Variants in RUNX1T1 observed in about 807,000 individuals in gnomAD.
RUNX1T1 encodes RUNX1 partner transcriptional co-repressor 1, also known as protein CBFA2T1.
Under a neutral mutation model 62.8 loss-of-function variants are expected in RUNX1T1, and 4 were observed. The observed-to-expected ratio is 0.06, with a 90% CI of 0.03 to 0.15. The LOEUF is 0.15. RUNX1T1 is among the 10% of genes least tolerant of loss of function. The pLI is 1.00. For synonymous variants in RUNX1T1, 291 were observed against 286.0 expected (o/e 1.02, Z -0.18); for missense variants, 508 against 754.3 (o/e 0.67, Z 3.82).
At chr8:92,077,525 G>A (rs902206194) in intron 1 of RUNX1T1, among the ~76,000 whole-genome samples, 15 of 152,182 alleles carry the variant, frequency 9.9e-5, no homozygotes, top group Admixed American at 6.5e-4. Context: ...GGCAATGTGA[G>A]TAACTTTTCT....
At chr8:91,970,212 G>A (rs1042958163) in intron 10 of RUNX1T1, among the ~76,000 whole-genome samples, 22 of 152,162 alleles carry the variant, frequency 1.4e-4, no homozygotes, top group African/African-American at 5.3e-4. Context: ...TGCAAACATT[G>A]TTTTAGCATT....
At chr8:92,077,787 G>A (rs960494754) in intron 1 of RUNX1T1, among the ~76,000 whole-genome samples, 1 of 152,024 alleles carries the variant, frequency 6.6e-6, no homozygotes, top group African/African-American at 2.4e-5. Context: ...ATCCTCTAGA[G>A]TCTAAGTCTA....
chr8:92,027,080 C>T (rs1013267357), intron 1 of RUNX1T1, among the ~76,000 whole-genome samples: 6 of 146,158 alleles, frequency 4.1e-5, no homozygotes, highest in African/African-American at 1.0e-4. Flanking sequence ...CGCGCCACTG[C>T]GCTCCAGCCT....
intron 1 of RUNX1T1, among the ~76,000 whole-genome samples, chr8:92,049,345 G>A (rs1829893725): frequency 1.3e-5 from 2 of 152,142 alleles, no homozygotes; most frequent in Admixed American, 1.3e-4. Flanking sequence ...AAAGTCAGAT[G>A]CCTTATTCTG....
chr8:92,033,075 A>C (rs534202745), intron 1 of RUNX1T1, among the ~76,000 whole-genome samples: 2 of 152,200 alleles, frequency 1.3e-5, no homozygotes, highest in Non-Finnish European at 2.9e-5. Context: ...AATACATATC[A>C]TCAATTGCCT....
intron 2 of RUNX1T1, among the ~76,000 whole-genome samples, chr8:92,075,664 T>C (rs547610862): frequency 2.0e-5 from 3 of 152,154 alleles, no homozygotes; most frequent in African/African-American, 7.2e-5. Context: ...TTATAACAGA[T>C]GTATTATGAA....
At chr8:91,957,981 G>C (rs1159794914), downstream of RUNX1T1, 1 of 219,344 alleles carries the variant, frequency 4.6e-6, no homozygotes, top group Non-Finnish European at 9.2e-6. Flanking sequence ...ATACAGGGAA[G>C]AAATGCTTTT....
At chr8:92,031,708 A>T (rs1018340093) in intron 1 of RUNX1T1, among the ~76,000 whole-genome samples, 1 of 152,072 alleles carries the variant, frequency 6.6e-6, no homozygotes, top group African/African-American at 2.4e-5. Flanking sequence ...GGCCTCGAGC[A>T]ATCCTCCTGC....
At chr8:91,993,201 G>A (rs1818020968) in intron 5 of RUNX1T1, among the ~76,000 whole-genome samples, 1 of 152,092 alleles carries the variant, frequency 6.6e-6, no homozygotes, top group Non-Finnish European at 1.5e-5. Context: ...TCTAGTGATG[G>A]CATCCAGTCT....
At chr8:91,986,657 G>A (rs928302310) in intron 7 of RUNX1T1, among the ~76,000 whole-genome samples, 1 of 152,108 alleles carries the variant, frequency 6.6e-6, no homozygotes, top group Non-Finnish European at 1.5e-5. Context: ...CCACCGATCT[G>A]GCTTTGAGAA....
At chr8:92,007,111 G>A (rs1478369899) in intron 4 of RUNX1T1, among the ~76,000 whole-genome samples, 1 of 152,088 alleles carries the variant, frequency 6.6e-6, no homozygotes, top group African/African-American at 2.4e-5. Flanking sequence ...GATACCTTGT[G>A]TCATAAAATA....
At position 91,984,028 on chromosome 8, in the gene RUNX1T1, T is replaced by C. The variant is rs1329895505; in HGVS notation, c.1198+2096A>G. On this transcript the variant is annotated intron_variant, in intron 8 of 10. Transcript: ENST00000396218. Reference sequence around the variant, plus strand: ...GACAATAAAGAACATAATGTCTTAATGTTGTCTATAAACAAAGAAATTAAA... The same window carrying C: ...GACAATAAAGAACATAATGTCTTAACGTTGTCTATAAACAAAGAAATTAAA... Among the ~76,000 whole-genome samples, 11 of 152,360 alleles carry C rather than the reference T, an allele frequency of 7.2e-5. No homozygotes were observed. The South Asian group carries it at 1.4e-3, about 20-fold the overall frequency.
At chr8:92,096,649 T>A (rs1032254631) in intron 1 of RUNX1T1, among the ~76,000 whole-genome samples, 1 of 152,192 alleles carries the variant, frequency 6.6e-6, no homozygotes, top group Non-Finnish European at 1.5e-5. Flanking sequence ...CACTACAGCA[T>A]CAAGAGTGAG....
In RUNX1T1 at chr8:92,060,183, G is replaced by A. The variant is rs1587389738; in HGVS notation, c.7+2363C>T. Among the ~76,000 whole-genome samples, 4 of 152,092 alleles carry A rather than the reference G, an allele frequency of 2.6e-5. No homozygotes were observed. In the South Asian group the frequency reaches 8.3e-4, roughly 32 times the overall value. On this transcript the variant is annotated intron_variant, in intron 1 of 10. Transcript: ENST00000396218. ...GATCTAGTTGTTACAAAAGTGACAG[G>A]TAGTAAAATGATATTTCTTTATAAT...
chr8:92,052,972 G>C (rs1170664247), intron 1 of RUNX1T1, among the ~76,000 whole-genome samples: 2 of 152,114 alleles, frequency 1.3e-5, no homozygotes, highest in African/African-American at 4.8e-5. Flanking sequence ...TGAATTAAGA[G>C]AAATGCTTAC....
At chr8:92,092,311 A>G (rs932593672) in intron 1 of RUNX1T1, among the ~76,000 whole-genome samples, 5 of 152,190 alleles carry the variant, frequency 3.3e-5, no homozygotes, top group Non-Finnish European at 7.4e-5. Flanking sequence ...TTTCCTAGCA[A>G]TGTCACTAGT....
chr8:92,045,104 C>A (rs1829167341), intron 1 of RUNX1T1, among the ~76,000 whole-genome samples: 1 of 149,918 alleles, frequency 6.7e-6, no homozygotes, highest in African/African-American at 2.4e-5. Context: ...ATATATTATA[C>A]ATATATTTTA....
intron 8 of RUNX1T1, among the ~76,000 whole-genome samples, chr8:91,978,315 C>T (rs1409791176): frequency 6.6e-6 from 1 of 152,132 alleles, no homozygotes. Context: ...GACAATACTA[C>T]TATTATTTGA....
At chr8:92,035,295 CAAAAAAA>C (rs746841942) in intron 1 of RUNX1T1, among the ~76,000 whole-genome samples, 1 of 27,558 alleles carries the variant, frequency 3.6e-5, no homozygotes, top group Non-Finnish European at 7.2e-5. Flanking sequence ...AATTCCATTT[CAAAAAAA>C]AAAAAAAATA....
Sources: allele counts gnomAD v4.1 joint callset (sites outside exome capture counted in the v4.1 genomes callset), GRCh38; gene constraint gnomAD v4.1.1; transcripts MANE v1.5; gene names NCBI Gene and HGNC (gene_info 2026-07-23, HGNC 2026-07-21).